The following NIBAN1 variants were observed in gnomAD, a reference collection of about 807,000 sequenced individuals.
NIBAN1 encodes protein Niban 1.
In NIBAN1, 81 loss-of-function variants were observed where a neutral mutation model predicts 75.1. That is an observed-to-expected ratio of 1.08 (90% CI 0.90 to 1.30). The LOEUF (loss-of-function observed/expected upper bound fraction) is 1.30. NIBAN1 is among the 50% of genes most tolerant of loss of function. The pLI is 0.00. For synonymous variants in NIBAN1, 436 were observed against 424.8 expected, an observed-to-expected ratio of 1.03 and a Z score of -0.32; for missense variants, 1,133 against 1,128.1, an observed-to-expected ratio of 1.00 and a Z score of -0.06.
intron 1 of NIBAN1, among the ~76,000 whole-genome samples, chr1:184,962,305 T>C (rs1258704565): frequency 6.6e-6 from 1 of 152,242 alleles, no homozygotes; most frequent in Admixed American, 6.5e-5. Flanking sequence ...TTTGTATTAT[T>C]ATTCTGAGAC....
At chr1:184,797,973 G>T in intron 13 of NIBAN1, 106 bp downstream of exon 13, 1 of 561,586 alleles carries the variant, frequency 1.8e-6, no homozygotes, top group Non-Finnish European at 3.1e-6. Flanking sequence ...CCTCACCAAT[G>T]TCCATTTCCT....
intron 5 of NIBAN1, among the ~76,000 whole-genome samples, chr1:184,846,106 C>T (rs1450992083): frequency 2.7e-5 from 2 of 74,296 alleles, no homozygotes; most frequent in African/African-American, 1.3e-4. Context: ...GAAGCTCGAA[C>T]TGGGTGGAGC....
chr1:184,794,450 C>T lies in NIBAN1; in HGVS notation c.*527G>A, dbSNP rs1405466518. On this transcript the variant is annotated 3_prime_UTR_variant, in exon 14 of 14. Coordinates refer to ENST00000367511, the MANE Select transcript of NIBAN1 (RefSeq NM_052966.4). ...TTGGGCATGATTGCCTCTGTGGGGG[C>T]TACAGCCAGCACGGGTGACTGTTCA... The T allele has an allele frequency of 2.9e-5, 5 of 175,428 alleles. No homozygotes were observed. The highest frequency in any genetic ancestry group is 6.0e-5 in the Non-Finnish European group (5 of 82,906). 10.9% of individuals were successfully genotyped at this position (175,428 alleles called of 1,614,324 possible). A position where few individuals can be genotyped will look rare whatever the true frequency, so the allele number is the denominator to read the frequency against.
rs72739661 is a variant in NIBAN1, at chr1:184,968,701, C to A, written c.55+5601G>T. On this transcript the variant is annotated intron_variant, in intron 1 of 13. Coordinates refer to ENST00000367511, the MANE Select transcript of NIBAN1 (RefSeq NM_052966.4). ...GTATACTGGTTAGGATGCTTTGGGC[C>A]GCACGTAAAAAGAAGATAACTGTAT... Among the ~76,000 whole-genome samples, 822 of 152,180 alleles carry A rather than the reference C, an allele frequency of 5.4e-3. 3 individuals are homozygous for A. Among genetic ancestry groups the A allele is most frequent in the Non-Finnish European group, 7.6e-3 (515 of 68,008 alleles).
chr1:184,823,753 GA>G lies in NIBAN1; in HGVS notation c.718-12del. On this transcript the variant is annotated splice_polypyrimidine_tract_variant and intron_variant, in intron 6 of 13. Coordinates refer to ENST00000367511, the MANE Select transcript of NIBAN1 (RefSeq NM_052966.4). The stretch of plus-strand genomic sequence containing the variant: ...CAGGTTACTCAGGATCTGCGCAGCA[GA>G]AGACAGCCCAGAGTCGGTCAGTCGG... The G allele has an allele frequency of 6.2e-7, 1 of 1,613,438 alleles. No homozygotes were observed. The highest frequency in any genetic ancestry group is 2.2e-5 in the East Asian group (1 of 44,858).
rs147262241 is a variant in NIBAN1, at chr1:184,808,572, T to C, written c.1174-337A>G. ...CAAGAACCAGACAGGTAGGCTCTGA[T>C]ACGTGGTTGCTGCTGGGCCCCCAGG... is the stretch of plus-strand genomic sequence containing the variant. On this transcript the variant is annotated intron_variant, in intron 9 of 13. Coordinates refer to ENST00000367511, the MANE Select transcript of NIBAN1 (RefSeq NM_052966.4). Among the ~76,000 whole-genome samples, 301 of 152,286 alleles carry C rather than the reference T, an allele frequency of 2.0e-3. 3 individuals are homozygous for C. Among genetic ancestry groups the C allele is most frequent in the African/African-American group, 7.1e-3 (293 of 41,558 alleles).
At position 184,888,844 on chromosome 1, in the gene NIBAN1, G is replaced by T. The variant is rs908562199; in HGVS notation, c.433+1264C>A. On this transcript the variant is annotated intron_variant, in intron 4 of 13. Transcript: ENST00000367511. ...CAAGGGCATATAAGTAGATGTAAAAGAAAATATAATAATATGCATAGTGCA... is the reference window on the plus strand; with the variant it reads ...CAAGGGCATATAAGTAGATGTAAAATAAAATATAATAATATGCATAGTGCA... Among the ~76,000 whole-genome samples the T allele has an allele frequency of 3.9e-5, 6 of 152,206 alleles. No individual in the cohort carries two copies. In the South Asian group the frequency reaches 6.2e-4, roughly 16 times the overall value.
chr1:184,885,194 G>A lies in NIBAN1; in HGVS notation c.434-394C>T, dbSNP rs1016934835. On this transcript the variant is annotated intron_variant, in intron 4 of 13. Coordinates refer to ENST00000367511, the MANE Select transcript of NIBAN1 (RefSeq NM_052966.4). ...CTCCTGAGTAGCTGGGATTATAGGC[G>A]CATACCACCACCTCCAGCTAATTTT... Among the ~76,000 whole-genome samples the A allele has an allele frequency of 2.6e-5, 4 of 152,014 alleles. No individual in the cohort carries two copies. In the East Asian group the frequency reaches 5.8e-4, roughly 22 times the overall value.
intron 1 of NIBAN1, among the ~76,000 whole-genome samples, chr1:184,910,338 G>T (rs1374111009): frequency 1.3e-5 from 2 of 152,112 alleles, no homozygotes; most frequent in East Asian, 3.8e-4. Context: ...ATATACTGAT[G>T]AAAACATCAA....
chr1:184,901,937 C>T (rs1249427767), intron 1 of NIBAN1, among the ~76,000 whole-genome samples: 1 of 152,126 alleles, frequency 6.6e-6, no homozygotes, highest in Non-Finnish European at 1.5e-5. Context: ...ATATAGCTAA[C>T]AATATCATAT....
At position 184,795,511 on chromosome 1, in the gene NIBAN1, C is replaced by A. The variant is rs1418981846; in HGVS notation, c.2253G>T (p.Glu751Asp). The change falls in exon 14 of 14, where the codon GAG becomes GAT. Residue 751 changes from glutamate (E) to aspartate (D), a missense_variant. Physicochemically the swap from Glu to Asp is conservative, Grantham distance 45 (BLOSUM62 2). Coordinates refer to ENST00000367511, the MANE Select transcript of NIBAN1 (RefSeq NM_052966.4). ...PQENEEEEEKEPSQAAAIHPD... is the reference protein window; with the variant it reads ...PQENEEEEEKDPSQAAAIHPD... Reference sequence around the variant, plus strand: ...GGTGGATGGCAGCTGCCTGACTGGGCTCTTTTTCCTCTTCTTCTTCATTTT... The same window carrying A: ...GGTGGATGGCAGCTGCCTGACTGGGATCTTTTTCCTCTTCTTCTTCATTTT... 4 of 1,613,664 alleles carry A rather than the reference C, an allele frequency of 2.5e-6. No individual in the cohort carries two copies. Among genetic ancestry groups the A allele is most frequent in the Non-Finnish European group, 2.5e-6 (3 of 1,179,930 alleles).
intron 12 of NIBAN1, among the ~76,000 whole-genome samples, chr1:184,800,131 T>C (rs1466184866): frequency 3.9e-4 from 58 of 147,500 alleles, no homozygotes; most frequent in Non-Finnish European, 6.4e-4. Flanking sequence ...GTGAGCATTT[T>C]TTCATGTGTT....
In NIBAN1 at chr1:184,795,715, C is replaced by A; in HGVS notation, c.2049G>T (p.Glu683Asp). Residue 683 changes from glutamate (E) to aspartate (D), a missense_variant, in exon 14 of 14, where the codon GAG becomes GAT. By Grantham distance (45) the Glu-to-Asp change is conservative (BLOSUM62 2). Transcript: ENST00000367511. ...TAGLPGTCSS[E>D]LEFGGTLEDE... ...CCTCAAGGGTCCCTCCAAACTCCAG[C>A]TCTGATGAGCATGTGCCCGGGAGTC... The A allele has an allele frequency of 6.2e-7, 1 of 1,613,560 alleles. No individual in the cohort carries two copies. The highest frequency in any genetic ancestry group is 1.1e-5 in the South Asian group (1 of 91,002).
chr1:184,875,170 A>G (rs1356582996), intron 5 of NIBAN1, among the ~76,000 whole-genome samples: 2 of 152,256 alleles, frequency 1.3e-5, no homozygotes, highest in Non-Finnish European at 2.9e-5. Context: ...AGAGAAATCT[A>G]TAGCATTTAA....
At chr1:184,827,247 AGG>A (rs899204798) in intron 6 of NIBAN1, among the ~76,000 whole-genome samples, 2 of 144,646 alleles carry the variant, frequency 1.4e-5, no homozygotes, top group African/African-American at 5.7e-5. Context: ...AGTGGGGCTC[AGG>A]GAATAGCCAC....
chr1:184,798,044 G>T, intron 13 of NIBAN1, 35 bp downstream of exon 13: 2 of 1,434,920 alleles, frequency 1.4e-6, no homozygotes, highest in Non-Finnish European at 2.0e-6. Context: ...TCCCCTCTAT[G>T]GAGTGTCCCT....
At chr1:184,824,085 G>A (rs1654779652) in intron 6 of NIBAN1, among the ~76,000 whole-genome samples, 1 of 152,124 alleles carries the variant, frequency 6.6e-6, no homozygotes, top group Non-Finnish European at 1.5e-5. Context: ...TAATGGATAA[G>A]GACATCTTCA....
intron 1 of NIBAN1, among the ~76,000 whole-genome samples, chr1:184,968,375 C>A (rs1658853943): frequency 6.6e-6 from 1 of 152,170 alleles, no homozygotes; most frequent in African/African-American, 2.4e-5. Flanking sequence ...TCCTAATTTG[C>A]AGTAGTTTTA....
rs1485275158 is a variant in NIBAN1 at position 184,821,665 on chromosome 1, A to C, written c.985+1502T>G. Among the ~76,000 whole-genome samples, 3 of 152,250 alleles carry C rather than the reference A, an allele frequency of 2.0e-5. No homozygotes were observed. In the East Asian group the frequency reaches 5.8e-4, roughly 29 times the overall value. The stretch of plus-strand genomic sequence containing the variant: ...CATGAGAACGGCTACAGTTAGGCCC[A>C]ACTTAGCTCCAGATAGCAGAAATTT... On this transcript the variant is annotated intron_variant, in intron 8 of 13. Coordinates refer to ENST00000367511, the MANE Select transcript of NIBAN1 (RefSeq NM_052966.4).
Sources: gnomAD v4.1 joint callset for allele counts (sites outside exome capture counted in the v4.1 genomes callset) on GRCh38, gnomAD v4.1.1 for gene constraint, MANE v1.5 for transcripts, NCBI Gene and HGNC (gene_info 2026-07-23, HGNC 2026-07-21) for gene names.